DNAH2: variants seen among roughly 807,000 people sequenced by gnomAD.
DNAH2 encodes the protein axonemal beta dynein heavy chain 2.
A neutral mutation model predicts 523.5 loss-of-function variants in DNAH2; 323 were observed. That is an observed-to-expected ratio of 0.62 (90% CI 0.56 to 0.68). The LOEUF (loss-of-function observed/expected upper bound fraction) is 0.68. DNAH2 is among the 30% of genes least tolerant of loss of function. The pLI, the probability that DNAH2 is intolerant of heterozygous loss-of-function variation, is 0.00. For missense variants in DNAH2, 4,907 were observed against 5,701.5 expected (o/e 0.86, Z 4.49); for synonymous variants, 2,093 against 2,177.4 (o/e 0.96, Z 1.08).
chr17:7,739,171 T>C (rs1465620980), intron 8 of DNAH2, among the ~76,000 whole-genome samples: 2 of 152,146 alleles, frequency 1.3e-5, no homozygotes, highest in Non-Finnish European at 2.9e-5. Flanking sequence ...TTTGGGAGGC[T>C]GAGGCGGGCA....
chr17:7,797,736 A>G lies in DNAH2; in HGVS notation c.8137A>G (p.Lys2713Glu). The G allele has an allele frequency of 1.2e-6, 2 of 1,614,192 alleles. No individual in the cohort carries two copies. The highest frequency in any genetic ancestry group is 1.7e-6 in the Non-Finnish European group (2 of 1,180,030). The change falls in exon 53 of 86, where the codon AAG (lysine) becomes GAG (glutamate). Residue 2713 changes from lysine (K) to glutamate (E), a missense_variant. By Grantham distance (56) the Lys-to-Glu change is moderately conservative. This residue lies in a region of DNAH2 where 250 missense variants were observed against 371.3 expected (regional missense o/e 0.67). Coordinates refer to ENST00000572933, the MANE Select transcript of DNAH2 (RefSeq NM_020877.5). The part of the protein sequence containing the change: ...YEDLTDLTVL[K>E]TVMETALNEY... ...AGACCTCACGGATCTGACAGTGCTG[A>G]AGACAGTCATGGAGACAGCTCTAAA...
At chr17:7,751,208 A>G (rs911999011) in intron 12 of DNAH2, among the ~76,000 whole-genome samples, 1 of 151,572 alleles carries the variant, frequency 6.6e-6, no homozygotes, top group Non-Finnish European at 1.5e-5. Flanking sequence ...CAGTGGCACC[A>G]TCTTGGCTGA....
At chr17:7,728,022 G>A (rs938749112) in intron 4 of DNAH2, among the ~76,000 whole-genome samples, 2 of 152,094 alleles carry the variant, frequency 1.3e-5, no homozygotes, top group African/African-American at 4.8e-5. Flanking sequence ...GAGAAGTAGT[G>A]GGAAGTGATA....
At chr17:7,740,362 G>C (rs1237163257) in intron 9 of DNAH2, 58 bp from the exon 10 acceptor site, 2 of 1,603,240 alleles carry the variant, frequency 1.2e-6, no homozygotes, top group Non-Finnish European at 1.7e-6. Flanking sequence ...TTCCTCAGGG[G>C]TTGGAGTTGG....
chr17:7,804,482 C>T lies in DNAH2; in HGVS notation c.9183+16C>T. 11 of 1,610,960 alleles carry T rather than the reference C, an allele frequency of 6.8e-6. No individual in the cohort carries two copies. Among genetic ancestry groups the T allele is most frequent in the Non-Finnish European group, 9.3e-6 (11 of 1,179,252 alleles). On this transcript the variant is annotated intron_variant, in intron 59 of 85. Coordinates refer to ENST00000572933, the MANE Select transcript of DNAH2 (RefSeq NM_020877.5). ...GCAGCAGAAGGTCCAGGGCCCACGC[C>T]CACCCCCCGTGCCCCACTCCCACCA...
At chr17:7,767,833 C>G (rs920802602) in intron 22 of DNAH2, 67 bp from the exon 23 acceptor site, 2 of 1,603,296 alleles carry the variant, frequency 1.2e-6, no homozygotes, top group African/African-American at 1.3e-5. Context: ...CAGCGAAGGG[C>G]CTGGGCGTCC....
intron 16 of DNAH2, 79 bp downstream of exon 16, chr17:7,759,689 C>T: frequency 1.3e-6 from 2 of 1,599,902 alleles, no homozygotes; most frequent in East Asian, 4.5e-5. Context: ...AAACTTGGTC[C>T]TTGGCCTTGA....
chr17:7,799,269 G>GC, intron 56 of DNAH2, 27 bp downstream of exon 56: 1 of 1,610,784 alleles, frequency 6.2e-7, no homozygotes, highest in Non-Finnish European at 8.5e-7. Context: ...CCTTCTCTCA[G>GC]CCCCTTCTGT....
rs1484561018 is a variant in DNAH2, at chr17:7,775,284, C to T, written c.4763C>T (p.Ser1588Leu). The T allele has an allele frequency of 3.7e-6, 6 of 1,613,468 alleles. No individual in the cohort carries two copies. Among genetic ancestry groups the T allele is most frequent in the South Asian group, 1.1e-5 (1 of 90,866 alleles). ...SSKWEAVGMF[S>L]GDGEYIDFLH... is the part of the protein sequence containing the mutation. Reference sequence around the variant, plus strand: ...AAATGGGAAGCTGTGGGGATGTTCTCGGGCGACGGCGAGTACATTGACTTC... The same window carrying T: ...AAATGGGAAGCTGTGGGGATGTTCTTGGGCGACGGCGAGTACATTGACTTC... The change falls in exon 30 of 86, where the codon TCG (serine) becomes TTG (leucine). Residue 1588 changes from serine (S) to leucine (L), a missense_variant. Ser to Leu is a moderately radical substitution (Grantham distance 145, BLOSUM62 -2). Transcript: ENST00000572933.
chr17:7,744,777 C>T (rs778570193), intron 12 of DNAH2, among the ~76,000 whole-genome samples: 6 of 152,084 alleles, frequency 3.9e-5, no homozygotes, highest in South Asian at 2.1e-4. Flanking sequence ...AGCCTAGTTA[C>T]GCCATTTGCA....
At position 7,817,390 on chromosome 17, in the gene DNAH2, T is replaced by C; in HGVS notation, c.9995T>C (p.Ile3332Thr). The C allele has an allele frequency of 1.2e-6, 2 of 1,613,788 alleles. No individual in the cohort carries two copies. The highest frequency in any genetic ancestry group is 1.7e-6 in the Non-Finnish European group (2 of 1,179,962). Residue 3332 changes from isoleucine to threonine, a missense_variant, in exon 65 of 86, where the codon ATT becomes ACT. Physicochemically the swap from Ile to Thr is moderately conservative, Grantham distance 89 (BLOSUM62 -1). Around this residue, in one of 3 missense-constraint regions of DNAH2, gnomAD observed 1,851 missense variants for 2,139.4 expected, o/e 0.87. Coordinates refer to ENST00000572933, the MANE Select transcript of DNAH2 (RefSeq NM_020877.5). ...GPFLTNYRDEIVNQIWIGKIW... is the reference protein window; with the variant it reads ...GPFLTNYRDETVNQIWIGKIW... ...TTCCTGACCAACTACCGGGATGAGA[T>C]TGTCAACCAAATCTGGATCGGGAAG...
rs147602777 is a variant in DNAH2, at chr17:7,777,537, T to A, written c.5150T>A (p.Ile1717Asn). 14 of 1,613,966 alleles carry A rather than the reference T, an allele frequency of 8.7e-6. No individual in the cohort carries two copies. In the African/African-American group the frequency reaches 1.9e-4, roughly 22 times the overall value. ...LKIVALVTIEIHARDVLEKLY... is the reference protein window; with the variant it reads ...LKIVALVTIENHARDVLEKLY... ...ATTGTGGCTCTGGTGACGATAGAAA[T>A]TCATGCCCGGGATGTGTTGGAGAAG... Residue 1717 changes from isoleucine to asparagine, a missense_variant, in exon 33 of 86, where the codon ATT becomes AAT. Around this residue, in one of 3 missense-constraint regions of DNAH2, gnomAD observed 2,806 missense variants for 3,190.8 expected, o/e 0.88. Transcript: ENST00000572933.
In DNAH2 at chr17:7,823,902, G is replaced by A. The variant is rs61739646; in HGVS notation, c.11398G>A (p.Val3800Met). ...CGTTCGCTCCCTGCGCCAGGACCGC[G>A]TGGCCTTCTGCGTGACCTCCTTCAT... ...LIVRSLRQDRVAFCVTSFIIT... is the reference protein window; with the variant it reads ...LIVRSLRQDRMAFCVTSFIIT... Residue 3800 changes from valine (V) to methionine (M), a missense_variant, in exon 75 of 86, where the codon GTG becomes ATG. By Grantham distance (21) the Val-to-Met change is conservative (BLOSUM62 1). Around this residue, in one of 3 missense-constraint regions of DNAH2, gnomAD observed 1,851 missense variants for 2,139.4 expected, o/e 0.87. Transcript: ENST00000572933. 32 of 1,614,050 alleles carry A rather than the reference G, an allele frequency of 2.0e-5. No homozygotes were observed. The highest frequency in any genetic ancestry group is 1.9e-4 in the African/African-American group (14 of 75,026).
At chr17:7,736,779 C>T (rs1340980549) in intron 7 of DNAH2, among the ~76,000 whole-genome samples, 5 of 152,078 alleles carry the variant, frequency 3.3e-5, no homozygotes, top group Middle Eastern at 3.4e-3. Context: ...GTCAGGAGTT[C>T]GAGACCAGTC....
In DNAH2 at chr17:7,770,543, ATT is replaced by A; in HGVS notation, c.4099-12_4099-11del. On this transcript the variant is annotated splice_polypyrimidine_tract_variant and intron_variant, in intron 25 of 85. Transcript: ENST00000572933. ...AGATACCTGACTGCTGTGTCCCCCAATTTCTCTCCACAGGCTTTACAAAACAT... is the reference window on the plus strand; with the variant it reads ...AGATACCTGACTGCTGTGTCCCCCAATCTCTCCACAGGCTTTACAAAACAT... 1 of 1,613,922 alleles carries A rather than the reference ATT, an allele frequency of 6.2e-7. No homozygotes were observed.
chr17:7,759,863 A>G lies in DNAH2; in HGVS notation c.2710A>G (p.Ile904Val), dbSNP rs2151196551. ...NDIGNHLFSTISVFCHLPDIL... is the reference protein window; with the variant it reads ...NDIGNHLFSTVSVFCHLPDIL... ...CATTGGCAACCACCTCTTTTCCACC[A>G]TCTCTGTCTTCTGCCACCTCCCTGA... Residue 904 changes from isoleucine to valine, a missense_variant, in exon 17 of 86, where the codon ATC becomes GTC. Physicochemically the swap from Ile to Val is conservative, Grantham distance 29. Around this residue, in one of 3 missense-constraint regions of DNAH2, gnomAD observed 2,806 missense variants for 3,190.8 expected, o/e 0.88. Transcript: ENST00000572933. 6.2e-7 allele frequency: 1 copy of G among 1,614,116 alleles called. No homozygotes were observed. The highest frequency in any genetic ancestry group is 1.1e-5 in the South Asian group (1 of 91,082).
At chr17:7,790,297 C>T (rs893284997) in intron 44 of DNAH2, among the ~76,000 whole-genome samples, 4 of 151,694 alleles carry the variant, frequency 2.6e-5, no homozygotes, top group East Asian at 1.9e-4. Context: ...GGTGTGATCT[C>T]GGCTCACTGC....
chr17:7,785,849 A>T (rs2076719024), intron 39 of DNAH2, among the ~76,000 whole-genome samples: 2 of 151,718 alleles, frequency 1.3e-5, no homozygotes, highest in Admixed American at 1.3e-4. Context: ...TACATGTAAG[A>T]CACTGTGTCA....
chr17:7,802,687 G>A (rs563496608), intron 58 of DNAH2, among the ~76,000 whole-genome samples: 3 of 151,652 alleles, frequency 2.0e-5, no homozygotes, highest in Non-Finnish European at 2.9e-5. Context: ...TTTTTTAGAC[G>A]GAGTCTCGCT....
Sources: gnomAD v4.1 joint callset for allele counts (sites outside exome capture counted in the v4.1 genomes callset) on GRCh38, gnomAD v4.1.1 for gene constraint, gnomAD v4.1.1 regional missense constraint, MANE v1.5 for transcripts, NCBI Gene and HGNC (gene_info 2026-07-23, HGNC 2026-07-21) for gene names.